The following MRPL39 variants were observed in gnomAD, a reference collection of about 807,000 sequenced individuals.
MRPL39 encodes the protein mitochondrial ribosomal protein L39.
MRPL39 carries 35 observed loss-of-function variants against 44.5 expected under a neutral mutation model. The observed-to-expected ratio is 0.79, with a 90% CI of 0.60 to 1.04. MRPL39 has a LOEUF of 1.04. Among genes scored for constraint, MRPL39 ranks in the 50% least tolerant of loss-of-function variants. The probability of loss-of-function intolerance (pLI) is 0.00; values close to 1 mark genes in which losing one functional copy is unlikely to be tolerated. For synonymous variants in MRPL39, 139 were observed against 136.1 expected (o/e 1.02, Z -0.15); for missense variants, 433 against 413.5 (o/e 1.05, Z -0.41).
chr21:25,602,761 T>G (rs1049663886), intron 3 of MRPL39, among the ~76,000 whole-genome samples: 1 of 152,212 alleles, frequency 6.6e-6, no homozygotes, highest in African/African-American at 2.4e-5. Flanking sequence ...TTGTAAAAGA[T>G]AAATAGGATT....
chr21:25,603,546 AT>A (rs1490381855), intron 3 of MRPL39, among the ~76,000 whole-genome samples: 12 of 152,188 alleles, frequency 7.9e-5, no homozygotes, highest in Admixed American at 7.9e-4. Flanking sequence ...ATAGAGAGTG[AT>A]TAATGAATGT....
At chr21:25,589,009 G>T in intron 8 of MRPL39, 127 bp from the exon 9 acceptor site, 2 of 767,692 alleles carry the variant, frequency 2.6e-6, no homozygotes, top group South Asian at 2.1e-5. Flanking sequence ...TAGATAAGTG[G>T]TTATAAAAGT....
At chr21:25,607,504 T>C, upstream of MRPL39, 1 of 1,605,996 alleles carries the variant, frequency 6.2e-7, no homozygotes. Flanking sequence ...CGCGCGCAAG[T>C]CCTTCTCCGC....
chr21:25,601,594 A>G (rs1020466244), intron 3 of MRPL39, 127 bp from the exon 4 acceptor site: 5 of 549,506 alleles, frequency 9.1e-6, no homozygotes, highest in African/African-American at 2.0e-5. Context: ...CTGTTCACAC[A>G]ATGTAGCAAC....
chr21:25,585,803 T>C, intron 9 of MRPL39, 49 bp from the exon 10 acceptor site: 2 of 1,320,610 alleles, frequency 1.5e-6, no homozygotes, highest in Non-Finnish European at 2.2e-6. Context: ...CTTTCAGTTT[T>C]ACCCTTCACC....
At chr21:25,603,997 G>A (rs2031595767) in intron 2 of MRPL39, 62 bp from the exon 3 acceptor site, 1 of 1,473,180 alleles carries the variant, frequency 6.8e-7, no homozygotes, top group East Asian at 2.3e-5. Context: ...ACATGTTTAA[G>A]TGCTATATTT....
upstream of MRPL39, chr21:25,607,585 G>A (rs1369372201): frequency 6.3e-6 from 7 of 1,106,794 alleles, no homozygotes; most frequent in Non-Finnish European, 9.0e-6. Flanking sequence ...CCAGCACTCA[G>A]ACTGCTCGCC....
Position 25,592,768 on chromosome 21 carries a change from T to C in MRPL39, c.921+44A>G, listed in dbSNP as rs113110629. ...GTATAAAATCAAGTCCGGAATTATATCTATACCCAAATTGGAAGACCTAGA... is the reference window on the plus strand; with the variant it reads ...GTATAAAATCAAGTCCGGAATTATACCTATACCCAAATTGGAAGACCTAGA... On this transcript the variant is annotated intron_variant, in intron 8 of 9. Transcript: ENST00000352957. The C allele has an allele frequency of 3.2e-5, 47 of 1,463,520 alleles. 1 individual carries two copies. In the African/African-American group the frequency reaches 3.7e-4, roughly 11 times the overall value. The allele number at this position is 1,463,520 out of a possible 1,614,324, so 90.7% of individuals were successfully genotyped here.
chr21:25,585,694 T>C lies in MRPL39; in HGVS notation c.*13A>G. 1 of 1,430,040 alleles carries C rather than the reference T, an allele frequency of 7.0e-7. No individual in the cohort carries two copies. Among genetic ancestry groups the C allele is most frequent in the Non-Finnish European group, 9.6e-7 (1 of 1,038,498 alleles). 88.6% of individuals were successfully genotyped at this position (1,430,040 alleles called of 1,614,324 possible). On this transcript the variant is annotated 3_prime_UTR_variant, in exon 10 of 10. Transcript: ENST00000352957. ...ATTTATTTTATTATACATATTTAAA[T>C]TTTAGAAAGTTATTAGGTAGATGTA...
chr21:25,585,803 T>G, intron 9 of MRPL39, 49 bp from the exon 10 acceptor site: 1 of 1,320,610 alleles, frequency 7.6e-7, no homozygotes. Context: ...CTTTCAGTTT[T>G]ACCCTTCACC....
chr21:25,597,944 T>G (rs910351363), intron 5 of MRPL39, among the ~76,000 whole-genome samples: 3 of 152,156 alleles, frequency 2.0e-5, no homozygotes, highest in Non-Finnish European at 4.4e-5. Flanking sequence ...AATGTCAATT[T>G]TACACAATTA....
chr21:25,592,915 C>T lies in MRPL39; in HGVS notation c.818G>A (p.Ser273Asn), dbSNP rs1318101921. ...TGATACTTCATACTGGAAACAAATACTTGTTCTTGGAATAAGAGGGCCCTC... is the reference window on the plus strand; with the variant it reads ...TGATACTTCATACTGGAAACAAATATTTGTTCTTGGAATAAGAGGGCCCTC... The part of the protein sequence containing the change: ...VSEGPLIPRT[S>N]ICFQYEVSAV... Residue 273 changes from serine to asparagine, a missense_variant, in exon 8 of 10, where the codon AGT (serine) becomes AAT (asparagine). Transcript: ENST00000352957. The T allele has an allele frequency of 1.2e-6, 2 of 1,613,302 alleles. No homozygotes were observed. Among genetic ancestry groups the T allele is most frequent in the Non-Finnish European group, 1.7e-6 (2 of 1,179,346 alleles).
At chr21:25,602,554 C>T (rs2031552434) in intron 3 of MRPL39, among the ~76,000 whole-genome samples, 1 of 152,214 alleles carries the variant, frequency 6.6e-6, no homozygotes, top group African/African-American at 2.4e-5. Flanking sequence ...TAAACACCTA[C>T]TGTATGTATA....
intron 6 of MRPL39, 118 bp from the exon 7 acceptor site, chr21:25,594,076 G>T: frequency 8.8e-6 from 7 of 799,164 alleles, no homozygotes; most frequent in Non-Finnish European, 1.4e-5. Context: ...GTTACACTTG[G>T]AACCTCCCTT....
At chr21:25,596,243 C>G (rs2031354937) in intron 6 of MRPL39, among the ~76,000 whole-genome samples, 1 of 152,152 alleles carries the variant, frequency 6.6e-6, no homozygotes, top group Non-Finnish European at 1.5e-5. Flanking sequence ...GGACTACAGG[C>G]GCCCGCCACC....
At chr21:25,600,767 C>T (rs2031497729) in intron 4 of MRPL39, among the ~76,000 whole-genome samples, 1 of 152,126 alleles carries the variant, frequency 6.6e-6, no homozygotes, top group East Asian at 1.9e-4. Flanking sequence ...CTCAGATTTC[C>T]TCCTCCTCTA....
At chr21:25,587,301 T>C (rs886792746) in intron 9 of MRPL39, among the ~76,000 whole-genome samples, 5 of 152,302 alleles carry the variant, frequency 3.3e-5, no homozygotes, top group Admixed American at 2.0e-4. Flanking sequence ...GAACATTTTT[T>C]CTTTAGTTTC....
chr21:25,587,476 T>G (rs1004624869), intron 9 of MRPL39, among the ~76,000 whole-genome samples: 1 of 152,210 alleles, frequency 6.6e-6, no homozygotes, highest in African/African-American at 2.4e-5. Flanking sequence ...TAATAAAGAC[T>G]AGGTTTATAT....
chr21:25,599,816 C>A lies in MRPL39; in HGVS notation c.571G>T (p.Glu191Ter). 1 of 1,613,294 alleles carries A rather than the reference C, an allele frequency of 6.2e-7. No individual in the cohort carries two copies. Among genetic ancestry groups the A allele is most frequent in the Non-Finnish European group, 8.5e-7 (1 of 1,179,428 alleles). The stretch of plus-strand genomic sequence containing the variant: ...ACACTTACTTTTGTTGGCATCCACT[C>A]ATCAAGTTTGCTATCCAAAACTACG... The part of the protein sequence containing the change: ...YDVVLDSKLD[E>*]WMPTKENLRS... The change falls in exon 5 of 10, where the codon GAG (glutamate) becomes TAG (stop). Residue 191 changes from glutamate to a stop codon, truncating the protein, a stop_gained. Coordinates refer to ENST00000352957, the MANE Select transcript of MRPL39 (RefSeq NM_017446.4). LOFTEE classifies it high-confidence loss of function.
Sources: allele counts gnomAD v4.1 joint callset (sites outside exome capture counted in the v4.1 genomes callset), GRCh38; gene constraint gnomAD v4.1.1; transcripts MANE v1.5; gene names NCBI Gene and HGNC (gene_info 2026-07-23, HGNC 2026-07-21).